The following KDM4C variants were observed in gnomAD, a reference collection of about 807,000 sequenced individuals.
KDM4C encodes the protein lysine-specific demethylase 4C.
Under a neutral mutation model 129.3 loss-of-function variants are expected in KDM4C, and 81 were observed. The ratio of observed to expected loss-of-function variants is 0.63; its 90% CI spans 0.52 to 0.75. The LOEUF (loss-of-function observed/expected upper bound fraction) is 0.75. Ranked by LOEUF, KDM4C falls within the 30% of genes least tolerant of loss-of-function variation. KDM4C has a pLI of 0.00. For synonymous variants in KDM4C, 573 were observed against 456.1 expected (o/e 1.26, Z -3.26); for missense variants, 1,457 against 1,304.0 (o/e 1.12, Z -1.81).
chr9:6,783,395 G>A (rs970688193), intron 1 of KDM4C, among the ~76,000 whole-genome samples: 1 of 151,918 alleles, frequency 6.6e-6, no homozygotes, highest in Non-Finnish European at 1.5e-5. Context: ...ATTCATTATT[G>A]TCTCTATACA....
Position 6,840,826 on chromosome 9 carries a change from C to G in KDM4C, c.436-8681C>G, listed in dbSNP as rs117061740. 5.4e-3 allele frequency among the ~76,000 whole-genome samples: 816 copies of G among 152,288 alleles called. 5 individuals carry two copies. The highest frequency in any genetic ancestry group is 7.1e-3 in the Non-Finnish European group (480 of 68,034). ...GGGTTATCCCACCTCTTGTTTCTTTCCAATTCTATGTGAGATGGTGGTGCA... is the reference window on the plus strand; with the variant it reads ...GGGTTATCCCACCTCTTGTTTCTTTGCAATTCTATGTGAGATGGTGGTGCA... On this transcript the variant is annotated intron_variant, in intron 4 of 21. Transcript: ENST00000381309.
chr9:7,099,941 T>A (rs1010866393), intron 17 of KDM4C, among the ~76,000 whole-genome samples: 2 of 152,006 alleles, frequency 1.3e-5, no homozygotes, highest in Non-Finnish European at 2.9e-5. Context: ...TAATATATAT[T>A]TTTATACAGA....
At chr9:7,083,060 G>A (rs1834719869) in intron 17 of KDM4C, among the ~76,000 whole-genome samples, 1 of 152,152 alleles carries the variant, frequency 6.6e-6, no homozygotes, top group African/African-American at 2.4e-5. Context: ...AGTTCTCTGT[G>A]TTCATAAGCC....
At chr9:6,801,726 A>G (rs144792189) in intron 2 of KDM4C, among the ~76,000 whole-genome samples, 53 of 152,286 alleles carry the variant, frequency 3.5e-4, no homozygotes, top group African/African-American at 1.1e-3. Flanking sequence ...AAGAATATAT[A>G]AAAGACTTCT....
At chr9:7,069,795 A>G (rs1410226678) in intron 17 of KDM4C, among the ~76,000 whole-genome samples, 1 of 152,206 alleles carries the variant, frequency 6.6e-6, no homozygotes, top group Non-Finnish European at 1.5e-5. Context: ...GTAGTAATGT[A>G]TTGTGGTTTA....
At chr9:6,954,691 A>G (rs1454729580) in intron 8 of KDM4C, among the ~76,000 whole-genome samples, 1 of 152,228 alleles carries the variant, frequency 6.6e-6, no homozygotes, top group South Asian at 2.1e-4. Context: ...TAAATGATTT[A>G]GCATTCTATG....
intron 4 of KDM4C, chr9:6,834,385 C>T (rs537596626): frequency 3.7e-4 from 133 of 356,494 alleles, no homozygotes; most frequent in Admixed American, 8.6e-4. Context: ...GCCAAGACCA[C>T]GTCCGCCCCG....
chr9:6,960,790 A>T (rs140792307), intron 8 of KDM4C, among the ~76,000 whole-genome samples: 109 of 152,264 alleles, frequency 7.2e-4, no homozygotes, highest in Non-Finnish European at 1.4e-3. Flanking sequence ...CTTCAGCAAT[A>T]TTGTCATTTT....
intron 5 of KDM4C, among the ~76,000 whole-genome samples, chr9:6,869,427 A>G (rs960411154): frequency 1.3e-4 from 20 of 152,230 alleles, no homozygotes; most frequent in African/African-American, 4.3e-4. Flanking sequence ...ACCTCTTTAC[A>G]AACATGTTTA....
At chr9:7,100,982 G>C (rs1450479196) in intron 17 of KDM4C, among the ~76,000 whole-genome samples, 2 of 152,064 alleles carry the variant, frequency 1.3e-5, no homozygotes, top group African/African-American at 4.8e-5. Flanking sequence ...TACATGTTCT[G>C]GTCCTCTGAT....
chr9:7,024,186 A>C (rs1825375834), intron 15 of KDM4C, among the ~76,000 whole-genome samples: 1 of 150,638 alleles, frequency 6.6e-6, no homozygotes, highest in Admixed American at 6.6e-5. Flanking sequence ...TTTCTTTGTT[A>C]CTTTTCTATC....
rs1001498237 is a variant in KDM4C, at chr9:6,796,367, C to T, written c.144+3235C>T. ...GGCTGAGCCAGGATAATCACTTGAA[C>T]CCGGGAGGTGGAGGGCAGAGGTTGG... On this transcript the variant is annotated intron_variant, in intron 2 of 21. Coordinates refer to ENST00000381309, the MANE Select transcript of KDM4C (RefSeq NM_015061.6). Among the ~76,000 whole-genome samples, 10 of 152,162 alleles carry T rather than the reference C, an allele frequency of 6.6e-5. No individual in the cohort carries two copies. In the East Asian group the frequency reaches 1.7e-3, roughly 26 times the overall value.
chr9:7,119,423 A>G (rs765683720), intron 18 of KDM4C, among the ~76,000 whole-genome samples: 1 of 152,184 alleles, frequency 6.6e-6, no homozygotes, highest in Non-Finnish European at 1.5e-5. Flanking sequence ...GAGCATAGGC[A>G]GAGACTGCAT....
At chr9:6,757,579 C>T, upstream of KDM4C, 1 of 964,082 alleles carries the variant, frequency 1.0e-6, no homozygotes, top group Non-Finnish European at 1.2e-6. Flanking sequence ...TCGCCAGGCT[C>T]TCCAGTACAT....
At chr9:7,027,977 C>G (rs1022786411) in intron 15 of KDM4C, among the ~76,000 whole-genome samples, 2 of 152,158 alleles carry the variant, frequency 1.3e-5, no homozygotes, top group African/African-American at 4.8e-5. Context: ...CTGGGACTCA[C>G]CCTTCGGGAC....
intron 5 of KDM4C, among the ~76,000 whole-genome samples, chr9:6,855,375 C>G (rs763409618): frequency 7.2e-6 from 1 of 139,426 alleles, no homozygotes; most frequent in East Asian, 2.2e-4. Context: ...AGGAGAATCA[C>G]TTGAACCCAG....
At chr9:6,775,444 A>G (rs1822812135) in intron 1 of KDM4C, among the ~76,000 whole-genome samples, 1 of 151,966 alleles carries the variant, frequency 6.6e-6, no homozygotes, top group Admixed American at 6.6e-5. Context: ...TTCAGTTTTT[A>G]GTTCTTATGA....
intron 4 of KDM4C, among the ~76,000 whole-genome samples, chr9:6,831,873 C>G (rs934207374): frequency 4.6e-5 from 7 of 152,116 alleles, no homozygotes; most frequent in African/African-American, 9.7e-5. Context: ...GCAAGAGAAG[C>G]TGGAAATGCA....
At chr9:7,072,165 C>G (rs1303449406) in intron 17 of KDM4C, among the ~76,000 whole-genome samples, 2 of 152,090 alleles carry the variant, frequency 1.3e-5, no homozygotes, top group African/African-American at 4.8e-5. Context: ...AGTAGTGATG[C>G]TGACGTTTAG....
Sources: gnomAD v4.1 joint callset for allele counts (sites outside exome capture counted in the v4.1 genomes callset) on GRCh38, gnomAD v4.1.1 for gene constraint, MANE v1.5 for transcripts, NCBI Gene and HGNC (gene_info 2026-07-23, HGNC 2026-07-21) for gene names.